The following FOCAD variants were observed in gnomAD, a reference collection of about 807,000 sequenced individuals.
FOCAD encodes KIAA1797.
A neutral mutation model predicts 225.6 loss-of-function variants in FOCAD; 198 were observed. The ratio of observed to expected loss-of-function variants is 0.88; its 90% CI spans 0.78 to 0.99. The LOEUF is 0.99. Ranked by LOEUF, FOCAD falls within the 50% of genes least tolerant of loss-of-function variation. The pLI, the probability that FOCAD is intolerant of heterozygous loss-of-function variation, is 0.00. For synonymous variants in FOCAD, 897 were observed against 755.0 expected (o/e 1.19, Z -3.08); for missense variants, 2,713 against 2,123.6 (o/e 1.28, Z -5.46).
At chr9:20,798,827 G>GT (rs1347295025) in intron 11 of FOCAD, among the ~76,000 whole-genome samples, 3 of 151,888 alleles carry the variant, frequency 2.0e-5, no homozygotes, top group Non-Finnish European at 4.4e-5. Flanking sequence ...TTTTTGAAGG[G>GT]TTTTTTGTGT....
At chr9:20,716,061 TG>T in intron 2 of FOCAD, 1 of 436,804 alleles carries the variant, frequency 2.3e-6, no homozygotes, top group South Asian at 1.8e-5. Context: ...TACAGCACCT[TG>T]GATACTTTCA....
At chr9:20,795,956 C>T (rs1485925185) in intron 11 of FOCAD, among the ~76,000 whole-genome samples, 2 of 151,284 alleles carry the variant, frequency 1.3e-5, no homozygotes, top group Non-Finnish European at 2.9e-5. Flanking sequence ...TAATGCTATC[C>T]CTCCCCCCTG....
At chr9:20,677,210 A>T (rs1374980314) in intron 2 of FOCAD, among the ~76,000 whole-genome samples, 1 of 152,346 alleles carries the variant, frequency 6.6e-6, no homozygotes, top group East Asian at 1.9e-4. Flanking sequence ...ACCCCATGTG[A>T]TAAAGTCAAC....
At chr9:20,832,349 A>G (rs1021757563) in intron 15 of FOCAD, among the ~76,000 whole-genome samples, 9 of 151,972 alleles carry the variant, frequency 5.9e-5, no homozygotes, top group Non-Finnish European at 1.2e-4. Context: ...ATTCTCCTGG[A>G]TAGATGTTAC....
At chr9:20,663,611 G>A (rs1821805222) in intron 2 of FOCAD, among the ~76,000 whole-genome samples, 1 of 152,096 alleles carries the variant, frequency 6.6e-6, no homozygotes, top group East Asian at 1.9e-4. Flanking sequence ...ACAATTCTAA[G>A]ACATGGGCCC....
chr9:20,987,880 G>A (rs10811448), intron 40 of FOCAD, among the ~76,000 whole-genome samples: 51,131 of 152,032 alleles, frequency 0.34, 8,981 homozygotes, highest in East Asian at 0.43. Flanking sequence ...GAAATATAAT[G>A]GCTGTATTTT....
chr9:20,729,342 T>C (rs1450455580), intron 4 of FOCAD, among the ~76,000 whole-genome samples: 2 of 152,204 alleles, frequency 1.3e-5, no homozygotes, highest in Admixed American at 6.5e-5. Flanking sequence ...TCTGCCTCTG[T>C]ATGCTCATGG....
intron 1 of FOCAD, among the ~76,000 whole-genome samples, chr9:20,704,002 T>G (rs1017541247): frequency 6.6e-6 from 1 of 152,202 alleles, no homozygotes; most frequent in Non-Finnish European, 1.5e-5. Flanking sequence ...CTGTGTCAGG[T>G]TGCTCTGTTA....
intron 16 of FOCAD, 48 bp downstream of exon 16, chr9:20,862,760 T>A: frequency 1.3e-6 from 2 of 1,578,536 alleles, no homozygotes; most frequent in Non-Finnish European, 1.7e-6. Context: ...ATGGGAAAGA[T>A]GTGTGTTATA....
At chr9:20,876,439 A>G (rs1222595759) in intron 19 of FOCAD, among the ~76,000 whole-genome samples, 1 of 152,092 alleles carries the variant, frequency 6.6e-6, no homozygotes, top group Non-Finnish European at 1.5e-5. Flanking sequence ...AAGTGGGGGA[A>G]TATTTGTTGC....
intron 1 of FOCAD, among the ~76,000 whole-genome samples, chr9:20,713,120 A>C (rs894489454): frequency 1.3e-4 from 20 of 152,286 alleles, no homozygotes; most frequent in Middle Eastern, 3.4e-3. Context: ...TGGTACCCCA[A>C]GTGATTCTAT....
At chr9:20,806,367 G>A (rs533271229) in intron 11 of FOCAD, among the ~76,000 whole-genome samples, 1 of 152,232 alleles carries the variant, frequency 6.6e-6, no homozygotes, top group African/African-American at 2.4e-5. Flanking sequence ...ATACCTGCAT[G>A]CTTTGTTCAG....
intron 21 of FOCAD, among the ~76,000 whole-genome samples, chr9:20,892,496 G>A (rs757697088): frequency 3.6e-4 from 55 of 152,090 alleles, no homozygotes; most frequent in Non-Finnish European, 5.6e-4. Flanking sequence ...TGACCTTGAG[G>A]GGTTCAAGAT....
intron 4 of FOCAD, among the ~76,000 whole-genome samples, chr9:20,725,585 C>T (rs1047874204): frequency 1.3e-5 from 2 of 152,200 alleles, no homozygotes; most frequent in African/African-American, 4.8e-5. Flanking sequence ...ATGTGCCCAT[C>T]TCTTCCAGCC....
intron 43 of FOCAD, among the ~76,000 whole-genome samples, chr9:20,993,799 G>A (rs1841860784): frequency 1.3e-5 from 2 of 152,228 alleles, no homozygotes; most frequent in Admixed American, 6.5e-5. Context: ...TTTTGAACCA[G>A]AAAGTAGACT....
intron 21 of FOCAD, among the ~76,000 whole-genome samples, chr9:20,897,490 C>A (rs959261346): frequency 6.6e-6 from 1 of 150,906 alleles, no homozygotes; most frequent in African/African-American, 2.4e-5. Flanking sequence ...TTCAACTGAA[C>A]ATTTTGTATG....
chr9:20,852,704 C>A (rs1417974763), intron 15 of FOCAD, among the ~76,000 whole-genome samples: 1 of 151,702 alleles, frequency 6.6e-6, no homozygotes, highest in Non-Finnish European at 1.5e-5. Context: ...TTTTGATACA[C>A]AGCATATTGA....
At chr9:20,921,961 C>T (rs761625905) in intron 24 of FOCAD, among the ~76,000 whole-genome samples, 10 of 152,172 alleles carry the variant, frequency 6.6e-5, no homozygotes, top group Admixed American at 5.9e-4. Context: ...GACTCTAATA[C>T]TCAGATCACT....
At chr9:20,730,843 T>G (rs1826626444) in intron 4 of FOCAD, among the ~76,000 whole-genome samples, 1 of 152,176 alleles carries the variant, frequency 6.6e-6, no homozygotes, top group African/African-American at 2.4e-5. Context: ...CTCTCTTACT[T>G]TTCTTATTCC....
Sources: gnomAD v4.1 joint callset for allele counts (sites outside exome capture counted in the v4.1 genomes callset) on GRCh38, gnomAD v4.1.1 for gene constraint, MANE v1.5 for transcripts, NCBI Gene and HGNC (gene_info 2026-07-23, HGNC 2026-07-21) for gene names.